Variants in SPTLC3 observed in about 807,000 individuals in gnomAD.
SPTLC3 encodes the protein serine palmitoyltransferase 3.
In SPTLC3, 36 loss-of-function variants were observed where a neutral mutation model predicts 59.3. The observed-to-expected ratio is 0.61, with a 90% CI of 0.47 to 0.80. The LOEUF is 0.80. Ranked by LOEUF, SPTLC3 falls within the 30% of genes least tolerant of loss-of-function variation. SPTLC3 has a pLI of 0.00. For synonymous variants in SPTLC3, 257 were observed against 240.8 expected (o/e 1.07, Z -0.62); for missense variants, 625 against 685.1 (o/e 0.91, Z 0.98).
chr20:13,030,201 G>T (rs1986367370), intron 1 of SPTLC3, among the ~76,000 whole-genome samples: 1 of 152,126 alleles, frequency 6.6e-6, no homozygotes, highest in South Asian at 2.1e-4. Flanking sequence ...AAATGCCACA[G>T]GGCACACCAC....
At chr20:13,086,950 C>A (rs1989024341) in intron 4 of SPTLC3, among the ~76,000 whole-genome samples, 1 of 152,068 alleles carries the variant, frequency 6.6e-6, no homozygotes, top group African/African-American at 2.4e-5. Flanking sequence ...CCACCATGCC[C>A]AGCTACTTTA....
At chr20:13,015,217 G>A (rs911694860) in intron 1 of SPTLC3, among the ~76,000 whole-genome samples, 1 of 152,126 alleles carries the variant, frequency 6.6e-6, no homozygotes, top group African/African-American at 2.4e-5. Context: ...TATATCAAGG[G>A]TAAATATTAT....
At chr20:13,020,614 CTT>C (rs1985831015) in intron 1 of SPTLC3, among the ~76,000 whole-genome samples, 1 of 152,122 alleles carries the variant, frequency 6.6e-6, no homozygotes, top group African/African-American at 2.4e-5. Context: ...TTTATATACT[CTT>C]TTAAAACTTT....
At chr20:13,074,631 A>G (rs1253699375) in intron 4 of SPTLC3, 134 bp downstream of exon 4, 2 of 1,074,134 alleles carry the variant, frequency 1.9e-6, no homozygotes, top group Non-Finnish European at 2.6e-6. Context: ...AAAAAAAGAG[A>G]TATTTTGGGA....
In SPTLC3 at chr20:13,166,412, C is replaced by T. The variant is rs1336413525; in HGVS notation, c.*1545C>T. 6.6e-6 allele frequency: 1 copy of T among 152,208 alleles called. No homozygotes were observed. Among genetic ancestry groups the T allele is most frequent in the East Asian group, 1.9e-4 (1 of 5,186 alleles). The allele number at this position is 152,208 out of a possible 1,614,324, so 9.4% of individuals were successfully genotyped here. On this transcript the variant is annotated 3_prime_UTR_variant, in exon 12 of 12. Transcript: ENST00000399002. ...TGGGTGCATTGGTTTAAAAATGGAT[C>T]ACAATGATAGAGTTCTTCATGAATG... is the stretch of plus-strand genomic sequence containing the variant.
chr20:13,074,277 C>T (rs1988558555), intron 3 of SPTLC3, 72 bp from the exon 4 acceptor site: 1 of 1,572,364 alleles, frequency 6.4e-7, no homozygotes, highest in African/African-American at 1.4e-5. Flanking sequence ...CCAAGTCTTC[C>T]ACCAGGGATT....
At chr20:13,140,426 G>A (rs112722936) in intron 9 of SPTLC3, among the ~76,000 whole-genome samples, 2 of 152,166 alleles carry the variant, frequency 1.3e-5, no homozygotes, top group African/African-American at 4.8e-5. Flanking sequence ...CAGCCCTTGA[G>A]TAACTAAGGT....
At chr20:13,089,042 C>G (rs984651312) in intron 4 of SPTLC3, among the ~76,000 whole-genome samples, 8 of 152,144 alleles carry the variant, frequency 5.3e-5, no homozygotes, top group Non-Finnish European at 1.0e-4. Context: ...TCACCAAGTG[C>G]CTCTTCAACA....
At position 13,157,513 on chromosome 20, in the gene SPTLC3, C is replaced by T. The variant is rs142618563; in HGVS notation, c.1416-2490C>T. On this transcript the variant is annotated intron_variant, in intron 10 of 11. Coordinates refer to ENST00000399002, the MANE Select transcript of SPTLC3 (RefSeq NM_018327.4). ...CAGAATTCAAAGCCAGTTCCATTTG[C>T]TTCATAAACTAGAGCTCTTTTGAAC... Among the ~76,000 whole-genome samples the T allele has an allele frequency of 2.5e-3, 386 of 152,250 alleles. 2 individuals carry two copies. Among genetic ancestry groups the T allele is most frequent in the Non-Finnish European group, 4.8e-3 (329 of 68,016 alleles).
chr20:13,072,435 T>C, intron 3 of SPTLC3, 25 bp downstream of exon 3: 2 of 1,534,516 alleles, frequency 1.3e-6, no homozygotes, highest in Non-Finnish European at 1.8e-6. Context: ...TGGAGGGGAT[T>C]GGTGAAAAGA....
At chr20:13,148,466 G>A (rs756455034) in intron 9 of SPTLC3, among the ~76,000 whole-genome samples, 1 of 152,172 alleles carries the variant, frequency 6.6e-6, no homozygotes, top group Non-Finnish European at 1.5e-5. Context: ...TGAAAGCTTC[G>A]GAGCATGTAG....
At chr20:13,149,264 G>A (rs2038589523) in intron 9 of SPTLC3, among the ~76,000 whole-genome samples, 1 of 152,200 alleles carries the variant, frequency 6.6e-6, no homozygotes. Flanking sequence ...TCTTGAAGGG[G>A]ATGTGGCCGC....
chr20:13,160,167 CAGT>C (rs2038865978), intron 11 of SPTLC3, 35 bp downstream of exon 11: 1 of 1,583,362 alleles, frequency 6.3e-7, no homozygotes, highest in African/African-American at 1.3e-5. Flanking sequence ...ATCTCAGTAC[CAGT>C]ACCTTGGATT....
At chr20:13,128,848 G>A (rs1175208197) in intron 9 of SPTLC3, among the ~76,000 whole-genome samples, 1 of 150,804 alleles carries the variant, frequency 6.6e-6, no homozygotes, top group Non-Finnish European at 1.5e-5. Context: ...GCACCAACAG[G>A]CATGCACCAC....
intron 1 of SPTLC3, among the ~76,000 whole-genome samples, chr20:13,032,958 T>C (rs1986565239): frequency 6.6e-6 from 1 of 152,172 alleles, no homozygotes; most frequent in Non-Finnish European, 1.5e-5. Flanking sequence ...GTTTCCATAT[T>C]TGTAACTTAT....
At chr20:13,072,636 T>C (rs1568588597) in intron 3 of SPTLC3, among the ~76,000 whole-genome samples, 1 of 152,080 alleles carries the variant, frequency 6.6e-6, no homozygotes, top group Non-Finnish European at 1.5e-5. Context: ...AAGACCTGGG[T>C]CAGAAGGTGC....
At chr20:13,123,236 CAGG>C (rs2037908693) in intron 8 of SPTLC3, among the ~76,000 whole-genome samples, 1 of 151,830 alleles carries the variant, frequency 6.6e-6, no homozygotes, top group Non-Finnish European at 1.5e-5. Context: ...GAGGCTGAAG[CAGG>C]AGAATTGCTG....
Position 13,126,717 on chromosome 20 carries a change from G to A in SPTLC3, c.1279G>A (p.Gly427Arg). The A allele has an allele frequency of 1.2e-6, 2 of 1,613,828 alleles. No individual in the cohort carries two copies. The highest frequency in any genetic ancestry group is 1.7e-6 in the Non-Finnish European group (2 of 1,179,840). The change falls in exon 9 of 12, where the codon GGG (glycine) becomes AGG (arginine). Residue 427 changes from glycine to arginine, a missense_variant and splice_region_variant. Coordinates refer to ENST00000399002, the MANE Select transcript of SPTLC3 (RefSeq NM_018327.4). ...LIMGLDGTTQ[G>R]LQRVQQLAKN... ...CATGGGACTGGATGGGACCACTCAA[G>A]GTAAGAGGATCTGCAGAGAGCACAG...
chr20:13,153,571 G>T (rs958689762), intron 9 of SPTLC3, among the ~76,000 whole-genome samples: 1 of 152,042 alleles, frequency 6.6e-6, no homozygotes, highest in Non-Finnish European at 1.5e-5. Flanking sequence ...ACAATTTAAT[G>T]AGCCAATTCA....
Sources: allele counts gnomAD v4.1 joint callset (sites outside exome capture counted in the v4.1 genomes callset), GRCh38; gene constraint gnomAD v4.1.1; transcripts MANE v1.5; gene names NCBI Gene and HGNC (gene_info 2026-07-23, HGNC 2026-07-21).